The following CDC40 variants were observed in gnomAD, a reference collection of about 807,000 sequenced individuals.
CDC40 encodes the protein pre-mRNA-processing factor 17.
CDC40 carries 27 observed loss-of-function variants against 80.6 expected under a neutral mutation model. The ratio of observed to expected loss-of-function variants is 0.33; its 90% CI spans 0.25 to 0.46. The LOEUF is 0.46. Among genes scored for constraint, CDC40 ranks in the 20% least tolerant of loss-of-function variants. The pLI, the probability that CDC40 is intolerant of heterozygous loss-of-function variation, is 1.00. For synonymous variants in CDC40, 221 were observed against 232.6 expected (o/e 0.95, Z 0.45); for missense variants, 486 against 694.1 (o/e 0.70, Z 3.37).
chr6:110,216,401 A>G (rs1286038635), intron 9 of CDC40, among the ~76,000 whole-genome samples: 1 of 152,216 alleles, frequency 6.6e-6, no homozygotes, highest in African/African-American at 2.4e-5. Flanking sequence ...GCACAAATTA[A>G]TACTGCCTAA....
At chr6:110,213,301 T>A (rs1777659456) in intron 8 of CDC40, 141 bp downstream of exon 8, 1 of 616,204 alleles carries the variant, frequency 1.6e-6, no homozygotes, top group African/African-American at 1.8e-5. Flanking sequence ...TGCAGCAATT[T>A]ATGAACTACT....
intron 2 of CDC40, 91 bp from the exon 3 acceptor site, chr6:110,201,467 G>T: frequency 1.0e-6 from 1 of 967,032 alleles, no homozygotes; most frequent in Admixed American, 2.9e-5. Context: ...CCCTTTTTTT[G>T]TACAGTTATT....
intron 9 of CDC40, among the ~76,000 whole-genome samples, chr6:110,215,536 A>C (rs560585684): frequency 6.6e-6 from 1 of 152,240 alleles, no homozygotes; most frequent in Non-Finnish European, 1.5e-5. Context: ...AAATGGTGTG[A>C]GACAGCGTGC....
chr6:110,213,543 T>C (rs1777664343), intron 8 of CDC40, among the ~76,000 whole-genome samples: 1 of 152,036 alleles, frequency 6.6e-6, no homozygotes, highest in South Asian at 2.1e-4. Context: ...GCACCCATGG[T>C]GGCTAGGCCC....
At chr6:110,225,374 C>G (rs1204519156) in intron 12 of CDC40, among the ~76,000 whole-genome samples, 1 of 150,948 alleles carries the variant, frequency 6.6e-6, no homozygotes, top group Non-Finnish European at 1.5e-5. Context: ...TGAAAAGGCA[C>G]TTAGAACTTT....
chr6:110,201,464 T>A, intron 2 of CDC40, 94 bp from the exon 3 acceptor site: 1 of 959,672 alleles, frequency 1.0e-6, no homozygotes. Context: ...AGGCCCTTTT[T>A]TTGTACAGTT....
intron 2 of CDC40, among the ~76,000 whole-genome samples, chr6:110,194,890 T>C (rs1777398842): frequency 6.6e-6 from 1 of 152,202 alleles, no homozygotes; most frequent in Non-Finnish European, 1.5e-5. Flanking sequence ...TTCCAAACTT[T>C]CAAGAAAAAT....
chr6:110,219,234 T>C (rs963036847), intron 10 of CDC40, 130 bp from the exon 11 acceptor site: 1 of 480,572 alleles, frequency 2.1e-6, no homozygotes, highest in Non-Finnish European at 3.7e-6. Context: ...AAATGTAGTT[T>C]ACAGTAAAGA....
chr6:110,218,896 G>A (rs1017669046), intron 10 of CDC40, among the ~76,000 whole-genome samples: 3 of 147,750 alleles, frequency 2.0e-5, no homozygotes, highest in Non-Finnish European at 4.4e-5. Flanking sequence ...GAACATTTGC[G>A]GCACTCAGTA....
chr6:110,216,272 C>CTAGT (rs1777698648), intron 9 of CDC40, among the ~76,000 whole-genome samples: 1 of 152,178 alleles, frequency 6.6e-6, no homozygotes, highest in African/African-American at 2.4e-5. Context: ...CATGTGAAGG[C>CTAGT]TAGTTACTCA....
chr6:110,223,540 T>C (rs1408001376), intron 12 of CDC40, among the ~76,000 whole-genome samples: 3 of 152,118 alleles, frequency 2.0e-5, no homozygotes, highest in African/African-American at 7.2e-5. Context: ...CAATTACTAG[T>C]GATACTGGCC....
Position 110,202,763 on chromosome 6 carries a change from T to A in CDC40, c.406+1076T>A, listed in dbSNP as rs1240230629. ...AGGAAGTGGTGAGGTAGGACACAGGTTGAACTATTGAGTTAAAGACAAAAA... is the reference window on the plus strand; with the variant it reads ...AGGAAGTGGTGAGGTAGGACACAGGATGAACTATTGAGTTAAAGACAAAAA... On this transcript the variant is annotated intron_variant, in intron 3 of 14. Transcript: ENST00000307731. Among the ~76,000 whole-genome samples the A allele has an allele frequency of 2.6e-5, 4 of 152,142 alleles. No individual in the cohort carries two copies. In the East Asian group the frequency reaches 7.7e-4, roughly 29 times the overall value.
At chr6:110,226,661 C>A (rs1220992562) in intron 13 of CDC40, among the ~76,000 whole-genome samples, 1 of 151,106 alleles carries the variant, frequency 6.6e-6, no homozygotes, top group Non-Finnish European at 1.5e-5. Flanking sequence ...GATCTTCCCT[C>A]CTCAGCCTCC....
rs1777165581 is a variant in CDC40 at position 110,180,524 on chromosome 6, G to T, written c.80G>T (p.Ser27Ile). ...GSESDSDSES[S>I]RCPLPAADSL... ...GAATCGGACTCGGACAGTGAGAGCA[G>T]TCGGTGTCCGCTGCCAGCCGCCGAC... The change falls in exon 1 of 15, where the codon AGT becomes ATT. Residue 27 changes from serine to isoleucine, a missense_variant. This residue lies in a region of CDC40 where 381 missense variants were observed against 492.1 expected (regional missense o/e 0.77). Coordinates refer to ENST00000307731, the MANE Select transcript of CDC40 (RefSeq NM_015891.3). The T allele has an allele frequency of 1.9e-6, 3 of 1,614,220 alleles. No homozygotes were observed. Among genetic ancestry groups the T allele is most frequent in the Non-Finnish European group, 2.5e-6 (3 of 1,180,030 alleles).
chr6:110,201,353 G>A (rs1777490489), intron 2 of CDC40, among the ~76,000 whole-genome samples: 1 of 152,092 alleles, frequency 6.6e-6, no homozygotes. Context: ...AGTGAGAGGG[G>A]TTCCTCTCCT....
At chr6:110,189,929 A>T (rs1246113727) in intron 1 of CDC40, among the ~76,000 whole-genome samples, 1 of 152,206 alleles carries the variant, frequency 6.6e-6, no homozygotes, top group Non-Finnish European at 1.5e-5. Context: ...TCACTCTCAC[A>T]AAGGTTTTTT....
intron 3 of CDC40, among the ~76,000 whole-genome samples, chr6:110,206,385 A>C (rs1777563138): frequency 6.6e-6 from 1 of 152,254 alleles, no homozygotes; most frequent in African/African-American, 2.4e-5. Context: ...CATGAGTTGT[A>C]GGCCATAAAG....
rs543381459 is a variant in CDC40 at position 110,195,267 on chromosome 6, C to T, written c.276+1999C>T. On this transcript the variant is annotated intron_variant, in intron 2 of 14. Coordinates refer to ENST00000307731, the MANE Select transcript of CDC40 (RefSeq NM_015891.3). Reference sequence around the variant, plus strand: ...GTTAGAAACAAGATATAATCCCTCTCCTCAAGCTAGTGTTTACCAGAGAGT... The same window carrying T: ...GTTAGAAACAAGATATAATCCCTCTTCTCAAGCTAGTGTTTACCAGAGAGT... 6.6e-5 allele frequency among the ~76,000 whole-genome samples: 10 copies of T among 152,258 alleles called. No homozygotes were observed. The South Asian group carries it at 2.1e-3, about 32-fold the overall frequency.
At chr6:110,205,015 T>C (rs746452715) in intron 3 of CDC40, among the ~76,000 whole-genome samples, 8 of 152,210 alleles carry the variant, frequency 5.3e-5, no homozygotes, top group Non-Finnish European at 1.2e-4. Context: ...CTTTGTTTAC[T>C]TGATAATCAA....
Sources: gnomAD v4.1 joint callset for allele counts (sites outside exome capture counted in the v4.1 genomes callset) on GRCh38, gnomAD v4.1.1 for gene constraint, gnomAD v4.1.1 regional missense constraint, MANE v1.5 for transcripts, NCBI Gene and HGNC (gene_info 2026-07-23, HGNC 2026-07-21) for gene names.